Variants in RBFOX1 observed in about 807,000 individuals in gnomAD.
The protein encoded by RBFOX1 is RNA binding protein fox-1 homolog 1.
RBFOX1 carries 8 observed loss-of-function variants against 57.7 expected under a neutral mutation model. That is an observed-to-expected ratio of 0.14 (90% CI 0.08 to 0.25). The LOEUF (loss-of-function observed/expected upper bound fraction) is 0.25, where lower values mean the gene tolerates loss of function less well. Among genes scored for constraint, RBFOX1 ranks in the 10% least tolerant of loss-of-function variants. RBFOX1 has a pLI of 1.00. For missense variants in RBFOX1, 611 were observed against 548.5 expected (o/e 1.11, Z -1.14); for synonymous variants, 326 against 222.4 (o/e 1.47, Z -4.15).
chr16:6,186,307 C>G (rs1197950534), intron 1 of RBFOX1, among the ~76,000 whole-genome samples: 1 of 151,994 alleles, frequency 6.6e-6, no homozygotes, highest in Non-Finnish European at 1.5e-5. Flanking sequence ...GATGATTTTT[C>G]TGTGCAAGGG....
chr16:7,473,522 A>AAT (rs1313704588), intron 4 of RBFOX1, among the ~76,000 whole-genome samples: 1 of 148,588 alleles, frequency 6.7e-6, no homozygotes, highest in African/African-American at 2.5e-5. Context: ...TTATATATAT[A>AAT]ATATATATAA....
At chr16:5,852,031 C>A (rs1417142522) in intron 3 of RBFOX1, among the ~76,000 whole-genome samples, 1 of 152,132 alleles carries the variant, frequency 6.6e-6, no homozygotes, top group Non-Finnish European at 1.5e-5. Context: ...ATGAGAGGAT[C>A]TACATCATGG....
At chr16:7,163,310 T>C (rs1201484230) in intron 4 of RBFOX1, among the ~76,000 whole-genome samples, 2 of 152,160 alleles carry the variant, frequency 1.3e-5, no homozygotes, top group Admixed American at 6.5e-5. Context: ...AGAGCCCTTG[T>C]CCCCTGGTGA....
At chr16:7,005,011 G>T (rs1304244670) in intron 3 of RBFOX1, among the ~76,000 whole-genome samples, 2 of 152,178 alleles carry the variant, frequency 1.3e-5, no homozygotes, top group East Asian at 1.9e-4. Flanking sequence ...GAGCATGATG[G>T]TGCGTGCCTG....
intron 2 of RBFOX1, among the ~76,000 whole-genome samples, chr16:5,485,891 T>G (rs1372335403): frequency 1.3e-5 from 2 of 152,200 alleles, no homozygotes; most frequent in Non-Finnish European, 2.9e-5. Context: ...GTTATTATCC[T>G]CTTGAACCTC....
intron 4 of RBFOX1, among the ~76,000 whole-genome samples, chr16:7,393,650 G>C (rs1217403126): frequency 6.6e-6 from 1 of 152,092 alleles, no homozygotes; most frequent in Non-Finnish European, 1.5e-5. Context: ...GCCTGATCTT[G>C]TAAGAAGATC....
intron 2 of RBFOX1, among the ~76,000 whole-genome samples, chr16:6,497,561 TAAA>T (rs749107631): frequency 0.26 from 39,568 of 149,636 alleles, 6,355 homozygotes; most frequent in Non-Finnish European, 0.36. Context: ...TTGAAGTTTT[TAAA>T]AAAAAAAAAA....
At chr16:7,707,383 A>G (rs949375435) in intron 14 of RBFOX1, among the ~76,000 whole-genome samples, 5 of 152,078 alleles carry the variant, frequency 3.3e-5, no homozygotes, top group Admixed American at 1.3e-4. Flanking sequence ...GAAAGCTTGG[A>G]AGGAAAATGG....
chr16:5,529,642 C>T (rs1315111096), intron 2 of RBFOX1, among the ~76,000 whole-genome samples: 1 of 151,836 alleles, frequency 6.6e-6, no homozygotes, highest in Non-Finnish European at 1.5e-5. Flanking sequence ...TTTTGGCTCA[C>T]TGCAATCTCC....
chr16:6,661,040 A>G (rs1469999825), intron 3 of RBFOX1, among the ~76,000 whole-genome samples: 1 of 152,216 alleles, frequency 6.6e-6, no homozygotes, highest in African/African-American at 2.4e-5. Flanking sequence ...TATGTACTGC[A>G]GCGACCTGGA....
At chr16:5,292,488 T>A (rs1280203598) in intron 1 of RBFOX1, among the ~76,000 whole-genome samples, 2 of 152,188 alleles carry the variant, frequency 1.3e-5, no homozygotes, top group Non-Finnish European at 2.9e-5. Flanking sequence ...GGGCTGTGAT[T>A]TGTTTTTCCT....
chr16:6,925,242 T>TC (rs150448992), intron 3 of RBFOX1, among the ~76,000 whole-genome samples: 1,638 of 146,630 alleles, frequency 0.011, 33 homozygotes, highest in African/African-American at 0.039. Flanking sequence ...CAAGCAATTG[T>TC]CGTACCTCAG....
intron 11 of RBFOX1, 26 bp from the exon 12 acceptor site, chr16:7,653,789 T>C: frequency 1.2e-6 from 2 of 1,605,656 alleles, no homozygotes; most frequent in Non-Finnish European, 8.5e-7. Flanking sequence ...CTGTGCTCTC[T>C]CTCTCTCTCT....
chr16:5,779,205 C>T (rs533549300), intron 3 of RBFOX1, among the ~76,000 whole-genome samples: 5 of 152,180 alleles, frequency 3.3e-5, no homozygotes, highest in Non-Finnish European at 7.3e-5. Flanking sequence ...CCCCTCACGT[C>T]GTGTGCAGAC....
At chr16:5,819,363 G>T (rs1041929009) in intron 3 of RBFOX1, among the ~76,000 whole-genome samples, 2 of 152,156 alleles carry the variant, frequency 1.3e-5, no homozygotes, top group African/African-American at 4.8e-5. Flanking sequence ...TCTTTTAGGG[G>T]ACACAATTAT....
chr16:5,563,701 A>G (rs769672068), intron 2 of RBFOX1, among the ~76,000 whole-genome samples: 2 of 152,196 alleles, frequency 1.3e-5, no homozygotes, highest in African/African-American at 4.8e-5. Context: ...CATATGATAT[A>G]CAATTCCTCC....
intron 2 of RBFOX1, among the ~76,000 whole-genome samples, chr16:6,441,092 G>T (rs1217475364): frequency 2.0e-5 from 3 of 152,002 alleles, no homozygotes; most frequent in Admixed American, 1.3e-4. Context: ...CATGGCGGAC[G>T]GAGAGGCAGT....
intron 3 of RBFOX1, among the ~76,000 whole-genome samples, chr16:6,971,979 G>A (rs548118237): frequency 6.6e-6 from 1 of 152,264 alleles, no homozygotes; most frequent in East Asian, 1.9e-4. Context: ...CGTGCCACAG[G>A]CAATCCCTGC....
intron 3 of RBFOX1, among the ~76,000 whole-genome samples, chr16:6,919,940 C>T (rs377067228): frequency 3.9e-5 from 6 of 152,204 alleles, no homozygotes; most frequent in African/African-American, 1.4e-4. Context: ...CCCCCTCCCA[C>T]TTTTCCCCTC....
Sources: gnomAD v4.1 joint callset for allele counts (sites outside exome capture counted in the v4.1 genomes callset) on GRCh38, gnomAD v4.1.1 for gene constraint, MANE v1.5 for transcripts, NCBI Gene and HGNC (gene_info 2026-07-23, HGNC 2026-07-21) for gene names.